The following FRMD3 variants were observed in gnomAD, a reference collection of about 807,000 sequenced individuals.
FRMD3 encodes FERM domain containing 3.
In FRMD3, 33 loss-of-function variants were observed where a neutral mutation model predicts 70.2. The observed-to-expected ratio is 0.47, with a 90% CI of 0.36 to 0.63. FRMD3 has a LOEUF of 0.63. FRMD3 is among the 20% of genes least tolerant of loss of function. The pLI, the probability that FRMD3 is intolerant of heterozygous loss-of-function variation, is 0.00. For synonymous variants in FRMD3, 279 were observed against 255.9 expected, an observed-to-expected ratio of 1.09 and a Z score of -0.86; for missense variants, 632 against 711.4, an observed-to-expected ratio of 0.89 and a Z score of 1.27.
intron 10 of FRMD3, among the ~76,000 whole-genome samples, chr9:83,308,439 G>GT (rs1249603625): frequency 2.0e-5 from 3 of 152,150 alleles, no homozygotes; most frequent in Non-Finnish European, 2.9e-5. Flanking sequence ...AGCCCAGGAG[G>GT]TTCAGAGACA....
At chr9:83,559,000 T>C in the FRMD3 span, among the ~76,000 whole-genome samples, 1 of 152,216 alleles carries the variant, frequency 6.6e-6, no homozygotes, top group Admixed American at 6.5e-5. Flanking sequence ...AAGTGGATGC[T>C]TGATATGGAC....
At chr9:83,493,852 C>T (rs1027130647) in intron 1 of FRMD3, among the ~76,000 whole-genome samples, 3 of 152,236 alleles carry the variant, frequency 2.0e-5, no homozygotes, top group Non-Finnish European at 4.4e-5. Context: ...AACCCTTGCA[C>T]CCAGCCTCCC....
chr9:83,554,249 T>G, the FRMD3 span, among the ~76,000 whole-genome samples: 1 of 152,208 alleles, frequency 6.6e-6, no homozygotes, highest in Admixed American at 6.5e-5. Flanking sequence ...GTTGCAACTG[T>G]GTTCCCTCTC....
In FRMD3 at chr9:83,406,175, G is replaced by A. The variant is rs149757979; in HGVS notation, c.148-16467C>T. On this transcript the variant is annotated intron_variant, in intron 1 of 13. Coordinates refer to ENST00000304195, the MANE Select transcript of FRMD3 (RefSeq NM_174938.6). ...CACAGAGCACAGAAAGTAGTCCTCTGAGTCTTCTGCCTCCAGTCACTAACA... is the reference window on the plus strand; with the variant it reads ...CACAGAGCACAGAAAGTAGTCCTCTAAGTCTTCTGCCTCCAGTCACTAACA... Among the ~76,000 whole-genome samples, 628 of 152,204 alleles carry A rather than the reference G, an allele frequency of 4.1e-3. 4 individuals are homozygous for A. The highest frequency in any genetic ancestry group is 7.1e-3 in the Non-Finnish European group (484 of 67,996).
At chr9:83,324,908 T>C (rs1038381144) in intron 6 of FRMD3, among the ~76,000 whole-genome samples, 2 of 152,220 alleles carry the variant, frequency 1.3e-5, no homozygotes, top group Non-Finnish European at 2.9e-5. Context: ...TCAGGGCTGG[T>C]ACCAACATCA....
intron 1 of FRMD3, among the ~76,000 whole-genome samples, chr9:83,419,876 T>C (rs768946963): frequency 2.6e-5 from 4 of 152,222 alleles, no homozygotes; most frequent in African/African-American, 9.6e-5. Context: ...AAGCAAAGAT[T>C]CATCTTTTAC....
At chr9:83,393,303 T>G (rs1825719116) in intron 1 of FRMD3, among the ~76,000 whole-genome samples, 1 of 152,188 alleles carries the variant, frequency 6.6e-6, no homozygotes, top group Non-Finnish European at 1.5e-5. Flanking sequence ...TGTGTTAAAA[T>G]CTATAAGCCA....
rs111512533 is a variant in FRMD3 at position 83,462,513 on chromosome 9, C to T, written c.148-72805G>A. Among the ~76,000 whole-genome samples the T allele has an allele frequency of 6.9e-3, 1,057 of 152,276 alleles. 12 individuals carry two copies. Among genetic ancestry groups the T allele is most frequent in the African/African-American group, 0.024 (996 of 41,542 alleles). ...GAGTCCATATTCCTAGATCCATCCT[C>T]AGTGGAATTACTATGGTGCCATCTC... On this transcript the variant is annotated intron_variant, in intron 1 of 13. Transcript: ENST00000304195.
chr9:83,329,990 G>A (rs1022019585), intron 6 of FRMD3, among the ~76,000 whole-genome samples: 5 of 152,112 alleles, frequency 3.3e-5, no homozygotes, highest in African/African-American at 1.2e-4. Flanking sequence ...GCACCCTCAG[G>A]ACTAACGGAA....
chr9:83,421,029 C>T (rs1009376271), intron 1 of FRMD3, among the ~76,000 whole-genome samples: 4 of 149,654 alleles, frequency 2.7e-5, no homozygotes, highest in African/African-American at 9.9e-5. Context: ...CAAGCTCCGC[C>T]TCCCAGGTTC....
At chr9:83,334,953 G>A (rs1040107762) in intron 6 of FRMD3, among the ~76,000 whole-genome samples, 4 of 152,198 alleles carry the variant, frequency 2.6e-5, no homozygotes, top group Non-Finnish European at 4.4e-5. Context: ...GTTAATATGT[G>A]CAAAGTGCTT....
In FRMD3 at chr9:83,447,770, AAGAC is replaced by A. The variant is rs201535623; in HGVS notation, c.148-58066_148-58063del. On this transcript the variant is annotated intron_variant, in intron 1 of 13. Transcript: ENST00000304195. ...CACAGGGTAGGAGCTCCTGAACTAA[AAGAC>A]AGAAGTCAGGATGTCAAATCCTAAC... 1.1e-4 allele frequency among the ~76,000 whole-genome samples: 16 copies of A among 152,286 alleles called. 1 individual carries two copies. In the East Asian group the frequency reaches 3.1e-3, roughly 29 times the overall value.
chr9:83,258,680 T>G (rs567432022), intron 13 of FRMD3, among the ~76,000 whole-genome samples: 1 of 152,350 alleles, frequency 6.6e-6, no homozygotes, highest in Admixed American at 6.5e-5. Flanking sequence ...AAGTAAAGAC[T>G]GGAGTCTGGG....
chr9:83,553,781 T>C, the FRMD3 span, among the ~76,000 whole-genome samples: 2 of 152,224 alleles, frequency 1.3e-5, no homozygotes, highest in African/African-American at 2.4e-5. Flanking sequence ...TCTGTTCTCC[T>C]TGGGTTGGGT....
chr9:83,501,983 G>A (rs75858517), intron 1 of FRMD3, among the ~76,000 whole-genome samples: 8,138 of 152,136 alleles, frequency 0.053, 303 homozygotes, highest in East Asian at 0.2. Context: ...TGTTACTTAT[G>A]GAAGCAACTC....
intron 3 of FRMD3, among the ~76,000 whole-genome samples, chr9:83,352,732 T>C (rs1824201886): frequency 6.6e-6 from 1 of 152,212 alleles, no homozygotes; most frequent in Non-Finnish European, 1.5e-5. Flanking sequence ...TAGATTCTTG[T>C]CTGCTCTATG....
At chr9:83,438,563 C>A (rs760561189) in intron 1 of FRMD3, among the ~76,000 whole-genome samples, 4 of 152,110 alleles carry the variant, frequency 2.6e-5, no homozygotes, top group Admixed American at 6.5e-5. Context: ...CCATGCCCAG[C>A]TAATTTTTGT....
chr9:83,422,689 G>A (rs554563354), intron 1 of FRMD3, among the ~76,000 whole-genome samples: 1 of 152,158 alleles, frequency 6.6e-6, no homozygotes, highest in Non-Finnish European at 1.5e-5. Flanking sequence ...AAATATGAGA[G>A]TGACTCCAGC....
chr9:83,436,458 A>ATATGTGTGTGTGTG (rs1491385024), intron 1 of FRMD3, among the ~76,000 whole-genome samples: 1 of 144,566 alleles, frequency 6.9e-6, no homozygotes, highest in African/African-American at 2.6e-5. Context: ...AATTAATAAG[A>ATATGTGTGTGTGTG]TGTGTGTGTG....
Sources: gnomAD v4.1 joint callset for allele counts (sites outside exome capture counted in the v4.1 genomes callset) on GRCh38, gnomAD v4.1.1 for gene constraint, MANE v1.5 for transcripts, NCBI Gene and HGNC (gene_info 2026-07-23, HGNC 2026-07-21) for gene names.